Variants in KIAA1614 observed in about 807,000 individuals in gnomAD.
KIAA1614 encodes the protein KIAA1614, also known as uncharacterized protein KIAA1614.
In KIAA1614, 76 loss-of-function variants were observed where a neutral mutation model predicts 88.7. That is an observed-to-expected ratio of 0.86 (90% CI 0.71 to 1.04). KIAA1614 has a LOEUF of 1.04. KIAA1614 is among the 50% of genes least tolerant of loss of function. The pLI, the probability that KIAA1614 is intolerant of heterozygous loss-of-function variation, is 0.00. For synonymous variants in KIAA1614, 714 were observed against 675.5 expected (o/e 1.06, Z -0.88); for missense variants, 1,553 against 1,582.5 (o/e 0.98, Z 0.32).
At position 180,916,319 on chromosome 1, in the gene KIAA1614, A is replaced by G. The variant is rs1467687518; in HGVS notation, c.216A>G (p.Val72=). The G allele has an allele frequency of 3.1e-6, 5 of 1,613,920 alleles. No individual in the cohort carries two copies. The highest frequency in any genetic ancestry group is 3.3e-5 in the Admixed American group (2 of 60,000). Residue 72 remains valine (V), a synonymous_variant, in exon 2 of 9, where the codon GTA becomes GTG. Coordinates refer to ENST00000367588, the MANE Select transcript of KIAA1614 (RefSeq NM_020950.2). ...SSLMAPQPPR[V]WGVQLQGPSV... ...TGATGGCCCCCCAGCCTCCCAGGGT[A>G]TGGGGAGTACAGCTCCAGGGCCCCT...
intron 4 of KIAA1614, among the ~76,000 whole-genome samples, chr1:180,930,182 G>A (rs1424799117): frequency 6.6e-6 from 1 of 152,178 alleles, no homozygotes; most frequent in Non-Finnish European, 1.5e-5. Flanking sequence ...CACTTTGGGA[G>A]GCTGAGGCGG....
intron 3 of KIAA1614, among the ~76,000 whole-genome samples, chr1:180,919,038 C>A (rs2102256270): frequency 6.6e-6 from 1 of 152,256 alleles, no homozygotes; most frequent in African/African-American, 2.4e-5. Context: ...GGGCACTAAT[C>A]CCATTCATGA....
intron 2 of KIAA1614, among the ~76,000 whole-genome samples, chr1:180,917,435 TG>T (rs1341312808): frequency 6.8e-6 from 1 of 147,156 alleles, no homozygotes; most frequent in Non-Finnish European, 1.5e-5. Context: ...TCAAGTGACA[TG>T]CCCTCACCCC....
In KIAA1614 at chr1:180,935,856, G is replaced by A. The variant is rs775495512; in HGVS notation, c.1947G>A (p.Leu649=). The A allele has an allele frequency of 3.7e-6, 6 of 1,613,598 alleles. No homozygotes were observed. The highest frequency in any genetic ancestry group is 5.1e-6 in the Non-Finnish European group (6 of 1,179,916). The change falls in exon 5 of 9, where the codon CTG becomes CTA. Residue 649 remains leucine, a synonymous_variant. Transcript: ENST00000367588. This position sits in a 1 kb window ranked among gnomAD's most constrained non-coding sequence, Gnocchi z 6.1. Reference sequence around the variant, plus strand: ...AAGGCAGCAGCCCGCGACTGCGACTGCGGGGCTCCAGGCCTCGAGGCCACA... The same window carrying A: ...AAGGCAGCAGCCCGCGACTGCGACTACGGGGCTCCAGGCCTCGAGGCCACA... The part of the protein sequence containing the change: ...RTQGSSPRLR[L]RGSRPRGHRW...
At chr1:180,924,122 C>T in intron 3 of KIAA1614, among the ~76,000 whole-genome samples, 1 of 152,220 alleles carries the variant, frequency 6.6e-6, no homozygotes, top group Non-Finnish European at 1.5e-5. Context: ...TGCGTCATTG[C>T]CATGCCCATA....
At chr1:180,933,434 G>A (rs1305215034) in intron 4 of KIAA1614, among the ~76,000 whole-genome samples, 2 of 152,236 alleles carry the variant, frequency 1.3e-5, no homozygotes, top group African/African-American at 2.4e-5. Flanking sequence ...GGCTGGATAA[G>A]AGGCCACTGC....
intron 7 of KIAA1614, 27 bp from the exon 8 acceptor site, chr1:180,944,362 C>T (rs776318556): frequency 1.4e-5 from 23 of 1,608,772 alleles, no homozygotes; most frequent in Non-Finnish European, 1.8e-5. Context: ...GCTTTTCTCA[C>T]CCGCAATATT....
At position 180,950,430 on chromosome 1, in the gene KIAA1614, G is replaced by C. The variant is rs979535308; in HGVS notation, c.*4842G>C. The C allele has an allele frequency of 8.3e-7, 1 of 1,201,848 alleles. No homozygotes were observed. The highest frequency in any genetic ancestry group is 1.6e-5 in the African/African-American group (1 of 61,472). 74.4% of individuals were successfully genotyped at this position (1,201,848 alleles called of 1,614,324 possible). ...GGCGATGAGATCCTCGAGGTGAACG[G>C]GGCCAAGGTGGCAGGGCTGGGCTTG... On this transcript the variant is annotated 3_prime_UTR_variant, in exon 9 of 9. Coordinates refer to ENST00000367588, the MANE Select transcript of KIAA1614 (RefSeq NM_020950.2).
chr1:180,935,850 G>A lies in KIAA1614; in HGVS notation c.1941G>A (p.Leu647=), dbSNP rs1251680810. The change falls in exon 5 of 9, where the codon CTG becomes CTA. Residue 647 remains leucine, a synonymous_variant. Coordinates refer to ENST00000367588, the MANE Select transcript of KIAA1614 (RefSeq NM_020950.2). The surrounding 1 kb of genome is among the most constrained non-coding windows in gnomAD (Gnocchi z 6.1). ...CGRTQGSSPR[L]RLRGSRPRGH... is the part of the protein sequence containing the mutation. ...GGACCCAAGGCAGCAGCCCGCGACT[G>A]CGACTGCGGGGCTCCAGGCCTCGAG... 1.2e-6 allele frequency: 2 copies of A among 1,613,576 alleles called. No individual in the cohort carries two copies. The highest frequency in any genetic ancestry group is 2.7e-5 in the African/African-American group (2 of 74,936).
chr1:180,933,797 G>A (rs763063395), intron 4 of KIAA1614, among the ~76,000 whole-genome samples: 1 of 152,216 alleles, frequency 6.6e-6, no homozygotes, highest in Admixed American at 6.5e-5. Context: ...AAAGCAGGAC[G>A]AGAGTGTGTG....
intron 3 of KIAA1614, among the ~76,000 whole-genome samples, chr1:180,927,557 G>C (rs1654096236): frequency 6.6e-6 from 1 of 152,236 alleles, no homozygotes; most frequent in Non-Finnish European, 1.5e-5. Flanking sequence ...GCTGGGGAGA[G>C]CAAGCTCCGT....
At position 180,917,029 on chromosome 1, in the gene KIAA1614, A is replaced by G; in HGVS notation, c.926A>G (p.Asn309Ser). ...CGCCTGTTGCTGCAGGAGATGCTCA[A>G]CGTTTCTGGGCAGAGCCCCCGCAAG... ...RNRLLLQEML[N>S]VSGQSPRKVG... is the part of the protein sequence containing the mutation. Residue 309 changes from asparagine to serine, a missense_variant, in exon 2 of 9, where the codon AAC (asparagine) becomes AGC (serine). Coordinates refer to ENST00000367588, the MANE Select transcript of KIAA1614 (RefSeq NM_020950.2). 3 of 1,613,906 alleles carry G rather than the reference A, an allele frequency of 1.9e-6. No homozygotes were observed. The highest frequency in any genetic ancestry group is 1.7e-5 in the Admixed American group (1 of 60,030).
At chr1:180,936,912 C>T (rs145799961) in intron 5 of KIAA1614, among the ~76,000 whole-genome samples, 28 of 152,264 alleles carry the variant, frequency 1.8e-4, no homozygotes, top group African/African-American at 5.8e-4. Flanking sequence ...AACTCCCTCC[C>T]GGGGGAGGCA....
rs925805490 is a variant in KIAA1614, at chr1:180,951,486, G to C, written c.*5898G>C. ...GGGCAGGTGGGTGGGTGGGCAGCAG[G>C]GAAGCTGCAGAGCGCGGCTGGGCCA... On this transcript the variant is annotated 3_prime_UTR_variant, in exon 9 of 9. Coordinates refer to ENST00000367588, the MANE Select transcript of KIAA1614 (RefSeq NM_020950.2). 1.3e-5 allele frequency: 2 copies of C among 152,470 alleles called. No homozygotes were observed. Among genetic ancestry groups the C allele is most frequent in the Admixed American group, 1.3e-4 (2 of 15,292 alleles). The allele number at this position is 152,470 out of a possible 1,614,324, so 9.4% of individuals were successfully genotyped here. A position where few individuals can be genotyped will look rare whatever the true frequency, so the allele number is the denominator to read the frequency against.
intron 3 of KIAA1614, chr1:180,928,199 G>A (rs929030216): frequency 7.1e-5 from 32 of 447,940 alleles, no homozygotes; most frequent in Middle Eastern, 1.1e-3. Flanking sequence ...CCAAGGCCGG[G>A]CCAGCTCCCC....
At position 180,913,282 on chromosome 1, in the gene KIAA1614, C is replaced by T; in HGVS notation, c.39C>T (p.Gly13=). 2 of 1,258,898 alleles carry T rather than the reference C, an allele frequency of 1.6e-6. No individual in the cohort carries two copies. The highest frequency in any genetic ancestry group is 3.5e-5 in the South Asian group (1 of 28,788). 78.0% of individuals were successfully genotyped at this position (1,258,898 alleles called of 1,614,324 possible). The change falls in exon 1 of 9, where the codon GGC becomes GGT. Residue 13 remains glycine, a synonymous_variant. Coordinates refer to ENST00000367588, the MANE Select transcript of KIAA1614 (RefSeq NM_020950.2). ...AGGCGGCGGCGGCCAAACCCGCGGG[C>T]GGCAGCCCCCAGTGAGTATAGAGGA... is the stretch of plus-strand genomic sequence containing the variant. ...GTEAAAAKPA[G]GSPQGPKTGS... is the part of the protein sequence containing the mutation.
intron 4 of KIAA1614, among the ~76,000 whole-genome samples, chr1:180,933,262 C>CT (rs1654242176): frequency 6.6e-6 from 1 of 152,144 alleles, no homozygotes; most frequent in Non-Finnish European, 1.5e-5. Flanking sequence ...GGAAGGAGGC[C>CT]TGGAGGCCCT....
At chr1:180,917,521 G>T (rs1251223389) in intron 2 of KIAA1614, among the ~76,000 whole-genome samples, 1 of 152,058 alleles carries the variant, frequency 6.6e-6, no homozygotes, top group Non-Finnish European at 1.5e-5. Context: ...CTAGCAGCTG[G>T]GCTGAGCTCA....
intron 3 of KIAA1614, among the ~76,000 whole-genome samples, chr1:180,920,439 C>T (rs12042537): frequency 0.091 from 13,908 of 152,144 alleles, 644 homozygotes; most frequent in East Asian, 0.13. Context: ...ATGGCCACCC[C>T]GAAGGGGGCC....
Sources: gnomAD v4.1 joint callset for allele counts (sites outside exome capture counted in the v4.1 genomes callset) on GRCh38, gnomAD v4.1.1 for gene constraint, Gnocchi (gnomAD v3.1) non-coding constraint, MANE v1.5 for transcripts, NCBI Gene and HGNC (gene_info 2026-07-23, HGNC 2026-07-21) for gene names.